Variants in KIF5C observed in about 807,000 individuals in gnomAD.
KIF5C encodes the protein kinesin family member 5C, also known as kinesin heavy chain isoform 5C.
Under a neutral mutation model 125.2 loss-of-function variants are expected in KIF5C, and 18 were observed. The observed-to-expected ratio is 0.14, with a 90% CI of 0.10 to 0.21. KIF5C has a LOEUF of 0.21. Ranked by LOEUF, KIF5C falls within the 10% of genes least tolerant of loss-of-function variation. KIF5C has a pLI of 1.00. For synonymous variants in KIF5C, 405 were observed against 434.0 expected, an observed-to-expected ratio of 0.93 and a Z score of 0.83; for missense variants, 780 against 1,183.8, an observed-to-expected ratio of 0.66 and a Z score of 5.01.
chr2:148,953,884 G>T (rs1020943297), intron 10 of KIF5C, among the ~76,000 whole-genome samples: 1 of 152,056 alleles, frequency 6.6e-6, no homozygotes, highest in Non-Finnish European at 1.5e-5. Context: ...TTCTATTTTT[G>T]TTTTTTAAAT....
chr2:148,930,472 T>C (rs2105092571), intron 3 of KIF5C, among the ~76,000 whole-genome samples: 1 of 152,276 alleles, frequency 6.6e-6, no homozygotes, highest in East Asian at 1.9e-4. Flanking sequence ...TTTGGGGAAT[T>C]CAGCAGCAGG....
At position 148,937,338 on chromosome 2, in the gene KIF5C, A is replaced by G. The variant is rs758384229; in HGVS notation, c.346A>G (p.Ile116Val). 6.2e-7 allele frequency: 1 copy of G among 1,603,144 alleles called. No homozygotes were observed. The highest frequency in any genetic ancestry group is 2.2e-5 in the East Asian group (1 of 44,638). Residue 116 changes from isoleucine (I) to valine (V), a missense_variant, in exon 4 of 26, where the codon ATC (isoleucine) becomes GTC (valine). Ile to Val is a conservative substitution (Grantham distance 29). Transcript: ENST00000435030. Reference protein sequence around the residue: ...MGIIPRIAHDIFDHIYSMDEN... With the variant: ...MGIIPRIAHDVFDHIYSMDEN... The stretch of plus-strand genomic sequence containing the variant: ...GATCATCCCACGAATTGCCCATGAT[A>G]TCTTTGACCATATCTACTCCATGGA...
chr2:148,992,977 C>T (rs1324694064), intron 16 of KIF5C, among the ~76,000 whole-genome samples: 6 of 152,188 alleles, frequency 3.9e-5, no homozygotes, highest in Non-Finnish European at 5.9e-5. Context: ...TCTTCTCTTT[C>T]AAGCTGGACA....
chr2:149,004,054 G>A (rs1370584026), intron 21 of KIF5C, among the ~76,000 whole-genome samples: 3 of 152,224 alleles, frequency 2.0e-5, no homozygotes, highest in African/African-American at 7.2e-5. Flanking sequence ...CTGCCCCTGG[G>A]CTGGAAGGCA....
chr2:148,993,562 A>G (rs1426752353), intron 16 of KIF5C, among the ~76,000 whole-genome samples: 2 of 152,188 alleles, frequency 1.3e-5, no homozygotes, highest in African/African-American at 2.4e-5. Context: ...CTCGTCACCA[A>G]AAACTGTGCT....
chr2:148,976,028 G>C (rs972511161), intron 12 of KIF5C, among the ~76,000 whole-genome samples: 2 of 152,134 alleles, frequency 1.3e-5, no homozygotes, highest in Non-Finnish European at 2.9e-5. Context: ...ACAAGTTGGC[G>C]CTGGCACTCC....
At chr2:149,012,088 A>G (rs1305116786) in intron 25 of KIF5C, among the ~76,000 whole-genome samples, 1 of 152,072 alleles carries the variant, frequency 6.6e-6, no homozygotes, top group African/African-American at 2.4e-5. Flanking sequence ...AATATAAAGA[A>G]AGAGCCAGAT....
intron 16 of KIF5C, among the ~76,000 whole-genome samples, chr2:148,991,421 T>C (rs76729605): frequency 1.3e-5 from 2 of 152,264 alleles, no homozygotes; most frequent in East Asian, 3.9e-4. Context: ...CGAGGATATA[T>C]CTATCTACCC....
At chr2:148,952,955 T>C (rs1420817653) in intron 10 of KIF5C, among the ~76,000 whole-genome samples, 4 of 152,174 alleles carry the variant, frequency 2.6e-5, no homozygotes, top group Non-Finnish European at 4.4e-5. Context: ...AGCACTGTCA[T>C]ATAAGGGAGA....
chr2:148,952,127 G>A (rs1222136285), intron 10 of KIF5C, among the ~76,000 whole-genome samples: 17 of 152,148 alleles, frequency 1.1e-4, no homozygotes, highest in Admixed American at 1.1e-3. Flanking sequence ...AAGGGTCTCA[G>A]AAACCCACAA....
At chr2:148,882,194 T>C (rs1256531961) in intron 1 of KIF5C, among the ~76,000 whole-genome samples, 1 of 152,210 alleles carries the variant, frequency 6.6e-6, no homozygotes, top group Admixed American at 6.5e-5. Context: ...CAGGATGAAC[T>C]CTGAGCTCTG....
chr2:148,961,530 T>C (rs1454299455), intron 10 of KIF5C, among the ~76,000 whole-genome samples: 2 of 152,198 alleles, frequency 1.3e-5, no homozygotes, highest in Admixed American at 6.5e-5. Flanking sequence ...CTATCTGTCT[T>C]GGTGTACCCC....
chr2:148,998,650 G>T, intron 19 of KIF5C, 141 bp downstream of exon 19: 2 of 1,350,930 alleles, frequency 1.5e-6, no homozygotes, highest in Non-Finnish European at 2.0e-6. Flanking sequence ...AGCAGGCTGG[G>T]CGGGCTGCTT....
chr2:148,922,036 C>G (rs560905260), intron 1 of KIF5C, 101 bp from the exon 2 acceptor site: 1 of 690,666 alleles, frequency 1.4e-6, no homozygotes, highest in South Asian at 1.9e-5. Context: ...GGGTTGGTGA[C>G]TTAGTGCCTA....
intron 25 of KIF5C, among the ~76,000 whole-genome samples, chr2:149,016,915 G>A (rs1682378352): frequency 6.6e-6 from 1 of 152,098 alleles, no homozygotes; most frequent in Non-Finnish European, 1.5e-5. Flanking sequence ...AAAAGAGGTG[G>A]CACCAGCAGA....
chr2:148,878,418 A>T (rs1041938311), intron 1 of KIF5C: 1 of 152,234 alleles, frequency 6.6e-6, no homozygotes, highest in Non-Finnish European at 1.5e-5. Flanking sequence ...GTATTCCATG[A>T]TATGAATATA....
At position 148,940,865 on chromosome 2, in the gene KIF5C, C is replaced by G. The variant is rs545736794; in HGVS notation, c.397-745C>G. On this transcript the variant is annotated intron_variant, in intron 4 of 25. Transcript: ENST00000435030. ...GACCACATATTTAGTTAAAGCAGGT[C>G]TCAGACATCAGCCAGCATAAGAATC... 1.5e-3 allele frequency among the ~76,000 whole-genome samples: 232 copies of G among 152,206 alleles called. 1 individual carries two copies. Among genetic ancestry groups the G allele is most frequent in the African/African-American group, 5.4e-3 (226 of 41,526 alleles).
intron 23 of KIF5C, among the ~76,000 whole-genome samples, chr2:149,008,972 T>A (rs900049481): frequency 6.6e-6 from 1 of 151,306 alleles, no homozygotes; most frequent in Non-Finnish European, 1.5e-5. Context: ...TATTTTTATT[T>A]ATTTTTGTTT....
intron 21 of KIF5C, among the ~76,000 whole-genome samples, chr2:149,003,228 T>C (rs575340826): frequency 1.3e-5 from 2 of 152,368 alleles, no homozygotes; most frequent in Non-Finnish European, 2.9e-5. Flanking sequence ...CGCACTGTCC[T>C]TGGCTGACTG....
Sources: allele counts gnomAD v4.1 joint callset (sites outside exome capture counted in the v4.1 genomes callset), GRCh38; gene constraint gnomAD v4.1.1; transcripts MANE v1.5; gene names NCBI Gene and HGNC (gene_info 2026-07-23, HGNC 2026-07-21).